POT1: variants seen among roughly 807,000 people sequenced by gnomAD.
POT1 encodes protection of telomeres protein 1.
A neutral mutation model predicts 78.5 loss-of-function variants in POT1; 47 were observed. That is an observed-to-expected ratio of 0.60 (90% CI 0.47 to 0.76). POT1 has a LOEUF of 0.76. POT1 is among the 30% of genes least tolerant of loss of function. The pLI is 0.00. For missense variants in POT1, 646 were observed against 749.9 expected (o/e 0.86, Z 1.62); for synonymous variants, 259 against 260.7 (o/e 0.99, Z 0.06).
At chr7:124,897,569 A>T (rs1468601680) in intron 4 of POT1, among the ~76,000 whole-genome samples, 1 of 151,944 alleles carries the variant, frequency 6.6e-6, no homozygotes, top group Non-Finnish European at 1.5e-5. Context: ...ATCAGAGCTG[A>T]TATTCAAAAT....
intron 5 of POT1, among the ~76,000 whole-genome samples, chr7:124,896,407 A>G (rs1162029999): frequency 6.6e-6 from 1 of 151,790 alleles, no homozygotes; most frequent in Non-Finnish European, 1.5e-5. Context: ...ATTTTTCAAA[A>G]AGTACATCAG....
chr7:124,835,564 T>C lies in POT1; in HGVS notation c.1370-150A>G, dbSNP rs141885512. 1.8e-3 allele frequency: 1,583 copies of C among 870,022 alleles called. 18 individuals are homozygous for C. In the African/African-American group the frequency reaches 0.022, roughly 12 times the overall value. 53.9% of individuals were successfully genotyped at this position (870,022 alleles called of 1,614,324 possible). ...TATGTAAAAAATATTAATTTGTAAA[T>C]GTACAATCCTATACATTGATTAAAA... On this transcript the variant is annotated intron_variant, in intron 14 of 18. Transcript: ENST00000357628.
intron 2 of POT1, among the ~76,000 whole-genome samples, chr7:124,917,347 C>T (rs1468110906): frequency 6.6e-6 from 1 of 152,098 alleles, no homozygotes; most frequent in Non-Finnish European, 1.5e-5. Flanking sequence ...AGAGAAAAAT[C>T]CTCTCGTCAA....
At chr7:124,910,197 T>G (rs1796858252) in intron 3 of POT1, among the ~76,000 whole-genome samples, 1 of 151,938 alleles carries the variant, frequency 6.6e-6, no homozygotes, top group South Asian at 2.1e-4. Flanking sequence ...AGGGAACTTT[T>G]GCTTTTCAGT....
intron 6 of POT1, among the ~76,000 whole-genome samples, chr7:124,882,480 A>C (rs1796142177): frequency 6.6e-6 from 1 of 152,022 alleles, no homozygotes; most frequent in African/African-American, 2.4e-5. Context: ...TTGCAAGAGC[A>C]TGACAGCATG....
chr7:124,880,310 C>T (rs1006111231), intron 6 of POT1, among the ~76,000 whole-genome samples: 8 of 152,070 alleles, frequency 5.3e-5, no homozygotes, highest in Non-Finnish European at 8.8e-5. Context: ...TTCTGTATTA[C>T]GTCTCTCACT....
rs773138295 is a variant in POT1, at chr7:124,863,401, A to G, written c.495T>C (p.Thr165=). ...DVQPMQYFDL[T]CQLLGKAEVD... ...CTTCTGCTTTGCCCAAGAGCTGACA[A>G]GTCAGGTCAAAATACTGCATTGGCT... Residue 165 remains threonine, a synonymous_variant, in exon 8 of 19, where the codon ACT becomes ACC. Coordinates refer to ENST00000357628, the MANE Select transcript of POT1 (RefSeq NM_015450.3). The G allele has an allele frequency of 5.6e-6, 9 of 1,613,812 alleles. 1 individual carries two copies. The East Asian group carries it at 1.8e-4, about 32-fold the overall frequency.
chr7:124,872,993 T>C (rs1286067505), intron 6 of POT1, among the ~76,000 whole-genome samples: 2 of 152,234 alleles, frequency 1.3e-5, no homozygotes, highest in Admixed American at 1.3e-4. Context: ...TAAAGAAATG[T>C]CTATTCAGGT....
chr7:124,857,964 A>G (rs892555740), intron 9 of POT1, among the ~76,000 whole-genome samples: 8 of 152,154 alleles, frequency 5.3e-5, no homozygotes, highest in African/African-American at 1.7e-4. Context: ...GGGCCAGTAC[A>G]GAGTTTGCTT....
chr7:124,895,262 C>T (rs778918165), intron 5 of POT1, among the ~76,000 whole-genome samples: 77 of 151,676 alleles, frequency 5.1e-4, no homozygotes, highest in Admixed American at 9.9e-4. Context: ...AGAAAACCAT[C>T]GGCTCATGAT....
intron 4 of POT1, 108 bp from the exon 5 acceptor site, chr7:124,897,320 C>A: frequency 2.5e-6 from 1 of 392,848 alleles, no homozygotes; most frequent in Non-Finnish European, 4.7e-6. Context: ...TATTCAAATT[C>A]ACTAGGATGA....
At chr7:124,911,443 C>A (rs76048386) in intron 3 of POT1, among the ~76,000 whole-genome samples, 1 of 152,020 alleles carries the variant, frequency 6.6e-6, no homozygotes, top group Non-Finnish European at 1.5e-5. Flanking sequence ...TGTGCCACAT[C>A]GACTAGATTA....
At chr7:124,871,950 A>G (rs1795881417) in intron 6 of POT1, among the ~76,000 whole-genome samples, 1 of 152,246 alleles carries the variant, frequency 6.6e-6, no homozygotes, top group Admixed American at 6.5e-5. Flanking sequence ...TCACTATGTT[A>G]TACAATAGAA....
intron 2 of POT1, among the ~76,000 whole-genome samples, chr7:124,917,968 C>T (rs549472338): frequency 6.6e-6 from 1 of 152,220 alleles, no homozygotes; most frequent in East Asian, 1.9e-4. Flanking sequence ...TCTTTCAGAA[C>T]TCCAGGAACC....
intron 14 of POT1, 119 bp from the exon 15 acceptor site, chr7:124,835,533 T>C (rs1794879839): frequency 8.4e-6 from 9 of 1,070,240 alleles, no homozygotes; most frequent in Non-Finnish European, 1.2e-5. Flanking sequence ...AAAAAGACAA[T>C]GAATGTATGT....
chr7:124,829,038 A>C, intron 16 of POT1: 1 of 742,154 alleles, frequency 1.3e-6, no homozygotes, highest in East Asian at 2.6e-5. Flanking sequence ...AGTAAGGCAT[A>C]GGGGAAAGTA....
intron 9 of POT1, 25 bp from the exon 10 acceptor site, chr7:124,853,163 T>A: frequency 6.6e-7 from 1 of 1,510,300 alleles, no homozygotes; most frequent in South Asian, 1.2e-5. Flanking sequence ...ATTTGTTATT[T>A]AGAAAGTGGG....
In POT1 at chr7:124,823,827, G is replaced by A. The variant is rs1032196394; in HGVS notation, c.*135C>T. The A allele has an allele frequency of 1.9e-4, 122 of 640,538 alleles. 2 individuals carry two copies. In the Middle Eastern group the frequency reaches 3.1e-3, roughly 16 times the overall value. 39.7% of individuals were successfully genotyped at this position (640,538 alleles called of 1,614,324 possible). A position where few individuals can be genotyped will look rare whatever the true frequency, so the allele number is the denominator to read the frequency against. ...ACCCAGTAAAAGCCAAGAGATTTAAGGTAAGGACATTTTCTAATCCCATAC... is the reference window on the plus strand; with the variant it reads ...ACCCAGTAAAAGCCAAGAGATTTAAAGTAAGGACATTTTCTAATCCCATAC... On this transcript the variant is annotated 3_prime_UTR_variant, in exon 19 of 19. Transcript: ENST00000357628.
At chr7:124,892,145 G>T in intron 6 of POT1, 121 bp downstream of exon 6, 2 of 591,264 alleles carry the variant, frequency 3.4e-6, no homozygotes, top group South Asian at 2.6e-5. Flanking sequence ...CATCAGTGTT[G>T]TTTGGCAATT....
Sources: allele counts gnomAD v4.1 joint callset (sites outside exome capture counted in the v4.1 genomes callset), GRCh38; gene constraint gnomAD v4.1.1; transcripts MANE v1.5; gene names NCBI Gene and HGNC (gene_info 2026-07-23, HGNC 2026-07-21).